VPS41: variants seen among roughly 807,000 people sequenced by gnomAD.
The protein encoded by VPS41 is VPS41 subunit of HOPS complex, also known as vacuolar protein sorting-associated protein 41 homolog.
VPS41 carries 85 observed loss-of-function variants against 130.9 expected under a neutral mutation model. That is an observed-to-expected ratio of 0.65 (90% CI 0.55 to 0.78). The LOEUF (loss-of-function observed/expected upper bound fraction) is 0.78, where lower values mean the gene tolerates loss of function less well. Among genes scored for constraint, VPS41 ranks in the 30% least tolerant of loss-of-function variants. The probability of loss-of-function intolerance (pLI) is 0.00; values close to 1 mark genes in which losing one functional copy is unlikely to be tolerated. For missense variants in VPS41, 874 were observed against 1,018.7 expected (o/e 0.86, Z 1.93); for synonymous variants, 335 against 332.9 (o/e 1.01, Z -0.07).
At chr7:38,819,424 G>A (rs758749435) in intron 6 of VPS41, among the ~76,000 whole-genome samples, 9 of 152,086 alleles carry the variant, frequency 5.9e-5, no homozygotes, top group Admixed American at 1.3e-4. Context: ...CCCAGGACAC[G>A]GCCCCTCTCT....
chr7:38,735,399 A>G (rs146418426), intron 25 of VPS41, among the ~76,000 whole-genome samples: 1 of 152,334 alleles, frequency 6.6e-6, no homozygotes, highest in East Asian at 1.9e-4. Flanking sequence ...TGGGGACTGC[A>G]GCAAATGCAA....
chr7:38,782,905 T>TC (rs1784379354), intron 10 of VPS41, among the ~76,000 whole-genome samples: 1 of 151,740 alleles, frequency 6.6e-6, no homozygotes, highest in Admixed American at 6.6e-5. Context: ...TCACTTGAGG[T>TC]CAGGAGTTCG....
At position 38,826,722 on chromosome 7, in the gene VPS41, G is replaced by C. The variant is rs879858691; in HGVS notation, c.321+3532C>G. ...TTAGCAGACATCACACAGCTAAGAAGTGACAGGATAATTCCACTGCTAACC... is the reference window on the plus strand; with the variant it reads ...TTAGCAGACATCACACAGCTAAGAACTGACAGGATAATTCCACTGCTAACC... On this transcript the variant is annotated intron_variant, in intron 5 of 28. Coordinates refer to ENST00000310301, the MANE Select transcript of VPS41 (RefSeq NM_014396.4). Among the ~76,000 whole-genome samples, 8 of 152,318 alleles carry C rather than the reference G, an allele frequency of 5.3e-5. No homozygotes were observed. In the South Asian group the frequency reaches 1.7e-3, roughly 32 times the overall value.
Position 38,725,284 on chromosome 7 carries a change from C to T in VPS41, c.*962G>A, listed in dbSNP as rs1390068662. 1.3e-5 allele frequency: 2 copies of T among 152,218 alleles called. No homozygotes were observed. Among genetic ancestry groups the T allele is most frequent in the African/African-American group, 4.8e-5 (2 of 41,450 alleles). 9.4% of individuals were successfully genotyped at this position (152,218 alleles called of 1,614,324 possible). A position where few individuals can be genotyped will look rare whatever the true frequency, so the allele number is the denominator to read the frequency against. On this transcript the variant is annotated 3_prime_UTR_variant, in exon 29 of 29. Coordinates refer to ENST00000310301, the MANE Select transcript of VPS41 (RefSeq NM_014396.4). ...CTGTAAGACACAATTACAAGTTTGA[C>T]TTTTCTCCCTCTATGATATGCTCTG...
chr7:38,831,453 C>T (rs1785385899), intron 4 of VPS41: 2 of 278,018 alleles, frequency 7.2e-6, no homozygotes, highest in Non-Finnish European at 1.4e-5. Context: ...ATCATCACTG[C>T]AGTAAGTTCT....
chr7:38,832,792 C>T (rs893883298), intron 4 of VPS41, among the ~76,000 whole-genome samples: 17 of 152,072 alleles, frequency 1.1e-4, no homozygotes, highest in African/African-American at 3.9e-4. Context: ...CCTTGCACCT[C>T]TTCTTTTTTA....
intron 25 of VPS41, among the ~76,000 whole-genome samples, chr7:38,734,631 A>T (rs1029737640): frequency 1.3e-5 from 2 of 152,362 alleles, no homozygotes; most frequent in Admixed American, 6.5e-5. Flanking sequence ...GATTTTATAA[A>T]GCAATAAAAG....
At chr7:38,776,584 G>A in intron 11 of VPS41, 95 bp downstream of exon 11, 1 of 674,606 alleles carries the variant, frequency 1.5e-6, no homozygotes, top group Non-Finnish European at 2.7e-6. Context: ...GTTCTGCTCA[G>A]ATTATAGCGT....
In VPS41 at chr7:38,830,296, A is replaced by T; in HGVS notation, c.279T>A (p.Asp93Glu). Residue 93 changes from aspartate (D) to glutamate (E), a missense_variant, in exon 5 of 29, where the codon GAT (aspartate) becomes GAA (glutamate). Asp to Glu is a conservative substitution (Grantham distance 45). Coordinates refer to ENST00000310301, the MANE Select transcript of VPS41 (RefSeq NM_014396.4). ...SPVKINQISL[D>E]ESGEHMGVCS... ...ACACACCCATGTGCTCTCCACTTTCATCCAAGCTAATCTGATTTATCTTCA... is the reference window on the plus strand; with the variant it reads ...ACACACCCATGTGCTCTCCACTTTCTTCCAAGCTAATCTGATTTATCTTCA... 6.2e-7 allele frequency: 1 copy of T among 1,613,012 alleles called. No homozygotes were observed. Among genetic ancestry groups the T allele is most frequent in the Non-Finnish European group, 8.5e-7 (1 of 1,178,948 alleles).
At chr7:38,862,462 A>G in intron 4 of VPS41, 83 bp downstream of exon 4, 1 of 867,764 alleles carries the variant, frequency 1.2e-6, no homozygotes, top group South Asian at 1.8e-5. Context: ...ATGCTATTAA[A>G]ACAAACTGGT....
At chr7:38,850,940 AT>A (rs1785840312) in intron 4 of VPS41, among the ~76,000 whole-genome samples, 1 of 152,224 alleles carries the variant, frequency 6.6e-6, no homozygotes, top group Admixed American at 6.5e-5. Flanking sequence ...TGGCAGGAAC[AT>A]ATTTTGGTAT....
chr7:38,821,319 C>T lies in VPS41; in HGVS notation c.322-54G>A. Reference sequence around the variant, plus strand: ...ACCATGACAGCAATAGAGAAGGCTACTGAGTCAGTATGAACACATACTATC... The same window carrying T: ...ACCATGACAGCAATAGAGAAGGCTATTGAGTCAGTATGAACACATACTATC... On this transcript the variant is annotated intron_variant, in intron 5 of 28. Transcript: ENST00000310301. 3 of 1,302,982 alleles carry T rather than the reference C, an allele frequency of 2.3e-6. No homozygotes were observed. In the African/African-American group the frequency reaches 4.4e-5, roughly 19 times the overall value. 80.7% of individuals were successfully genotyped at this position (1,302,982 alleles called of 1,614,324 possible). A position where few individuals can be genotyped will look rare whatever the true frequency, so the allele number is the denominator to read the frequency against.
chr7:38,797,199 G>T (rs1176651740), intron 7 of VPS41, among the ~76,000 whole-genome samples: 2 of 152,132 alleles, frequency 1.3e-5, no homozygotes, highest in Non-Finnish European at 2.9e-5. Context: ...GATTGTCCGG[G>T]AACTAATTTA....
intron 7 of VPS41, among the ~76,000 whole-genome samples, chr7:38,799,540 TG>T (rs1394971645): frequency 1.3e-5 from 2 of 152,204 alleles, no homozygotes; most frequent in East Asian, 3.9e-4. Flanking sequence ...AACATTTCAT[TG>T]AGGGATACGA....
intron 4 of VPS41, among the ~76,000 whole-genome samples, chr7:38,832,291 T>C (rs1027963340): frequency 1.3e-5 from 2 of 151,314 alleles, no homozygotes; most frequent in African/African-American, 2.4e-5. Context: ...TTAAGTCTTT[T>C]ACATTTCAGA....
chr7:38,774,878 C>T (rs1404196790), intron 11 of VPS41, among the ~76,000 whole-genome samples: 3 of 151,912 alleles, frequency 2.0e-5, no homozygotes, highest in Non-Finnish European at 4.4e-5. Context: ...AAGTAAAATA[C>T]TAGGAGAACA....
chr7:38,862,596 G>A lies in VPS41; in HGVS notation c.195C>T (p.Gly65=), dbSNP rs187909170. The stretch of plus-strand genomic sequence containing the variant: ...CCTGGACATCAAGTAAATAAACCTT[G>A]CCATAATGTGTGCCCAATGCCAAAA... ...DKFLALGTHY[G]KVYLLDVQGN... is the part of the protein sequence containing the mutation. The change falls in exon 4 of 29, where the codon GGC becomes GGT. Residue 65 remains glycine, a synonymous_variant. Transcript: ENST00000310301. 27 of 1,609,708 alleles carry A rather than the reference G, an allele frequency of 1.7e-5. No individual in the cohort carries two copies. The East Asian group carries it at 5.8e-4, about 35-fold the overall frequency.
intron 16 of VPS41, among the ~76,000 whole-genome samples, chr7:38,764,573 A>C (rs1206630116): frequency 6.6e-6 from 1 of 152,196 alleles, no homozygotes; most frequent in Non-Finnish European, 1.5e-5. Context: ...GGCAAAAGTT[A>C]AGGCAATGGT....
intron 1 of VPS41, among the ~76,000 whole-genome samples, chr7:38,902,773 C>T (rs1292783748): frequency 6.6e-6 from 1 of 152,182 alleles, no homozygotes; most frequent in Non-Finnish European, 1.5e-5. Context: ...GTGGGTCTCT[C>T]AGGGATACCC....
Sources: gnomAD v4.1 joint callset for allele counts (sites outside exome capture counted in the v4.1 genomes callset) on GRCh38, gnomAD v4.1.1 for gene constraint, MANE v1.5 for transcripts, NCBI Gene and HGNC (gene_info 2026-07-23, HGNC 2026-07-21) for gene names.